MGAT3: variants seen among roughly 807,000 people sequenced by gnomAD.
MGAT3 encodes GlcNAc-T III.
A neutral mutation model predicts 29.8 loss-of-function variants in MGAT3; 9 were observed. That is an observed-to-expected ratio of 0.30 (90% CI 0.18 to 0.53). MGAT3 has a LOEUF of 0.53. Among genes scored for constraint, MGAT3 ranks in the 20% least tolerant of loss-of-function variants. The probability of loss-of-function intolerance (pLI) is 0.96; values close to 1 mark genes in which losing one functional copy is unlikely to be tolerated. For synonymous variants in MGAT3, 397 were observed against 348.9 expected (o/e 1.14, Z -1.54); for missense variants, 557 against 769.5 (o/e 0.72, Z 3.27).
chr22:39,461,609 G>A (rs1364052827), intron 1 of MGAT3, among the ~76,000 whole-genome samples: 4 of 151,996 alleles, frequency 2.6e-5, no homozygotes, highest in African/African-American at 9.7e-5. Flanking sequence ...CTGTTCCCTC[G>A]ACTTGAATTC....
Position 39,487,353 on chromosome 22 carries a change from G to C in MGAT3, c.6G>C (p.Lys2Asn), listed in dbSNP as rs1305115609. ...GTCTCTCTCTCTCCCGCAGGATGAAGATGAGACGCTACAAGCTCTTTCTCA... is the reference window on the plus strand; with the variant it reads ...GTCTCTCTCTCTCCCGCAGGATGAACATGAGACGCTACAAGCTCTTTCTCA... The part of the protein sequence containing the change: M[K>N]MRRYKLFLMF... Residue 2 changes from lysine to asparagine, a missense_variant, in exon 2 of 2, where the codon AAG (lysine) becomes AAC (asparagine). By Grantham distance (94) the Lys-to-Asn change is moderately conservative. Around this residue, in one of 3 missense-constraint regions of MGAT3, gnomAD observed 212 missense variants for 228.5 expected, o/e 0.93. Transcript: ENST00000341184. The surrounding 1 kb of genome is among the most constrained non-coding windows in gnomAD (Gnocchi z 5.7). 2.5e-6 allele frequency: 4 copies of C among 1,611,780 alleles called. No individual in the cohort carries two copies. Among genetic ancestry groups the C allele is most frequent in the Non-Finnish European group, 3.4e-6 (4 of 1,179,386 alleles).
At chr22:39,465,570 G>C (rs1041939714) in intron 1 of MGAT3, among the ~76,000 whole-genome samples, 2 of 152,230 alleles carry the variant, frequency 1.3e-5, no homozygotes, top group East Asian at 3.9e-4. Context: ...AGACACGATC[G>C]AACCACTTCC....
rs73418468 is a variant in MGAT3 at position 39,461,635 on chromosome 22, T to C, written c.-2+4078T>C. On this transcript the variant is annotated intron_variant, in intron 1 of 1. Coordinates refer to ENST00000341184, the MANE Select transcript of MGAT3 (RefSeq NM_002409.5). Reference sequence around the variant, plus strand: ...ACTTGAATTCCTCTTCCATTCACTGTCCCCTGTAACTCTGTTGTCCATCAA... The same window carrying C: ...ACTTGAATTCCTCTTCCATTCACTGCCCCCTGTAACTCTGTTGTCCATCAA... Among the ~76,000 whole-genome samples, 438 of 152,224 alleles carry C rather than the reference T, an allele frequency of 2.9e-3. 4 individuals carry two copies. The highest frequency in any genetic ancestry group is 9.3e-3 in the African/African-American group (387 of 41,516).
At chr22:39,466,318 C>A (rs1201917180) in intron 1 of MGAT3, among the ~76,000 whole-genome samples, 2 of 152,168 alleles carry the variant, frequency 1.3e-5, no homozygotes, top group African/African-American at 4.8e-5. Flanking sequence ...GCACCAGGCA[C>A]TTCTACCAGA....
intron 1 of MGAT3, among the ~76,000 whole-genome samples, chr22:39,480,596 G>T (rs1174152926): frequency 6.6e-6 from 1 of 152,216 alleles, no homozygotes; most frequent in East Asian, 1.9e-4. Flanking sequence ...CTGCAGAGAG[G>T]ACCTGAGGTT....
chr22:39,484,163 A>G (rs73418493), intron 1 of MGAT3, among the ~76,000 whole-genome samples: 1,679 of 152,214 alleles, frequency 0.011, 34 homozygotes, highest in African/African-American at 0.038. Flanking sequence ...GTTGGAGGAG[A>G]TGGTCCTTAA....
Position 39,488,412 on chromosome 22 carries a change from G to T in MGAT3, c.1065G>T (p.Gln355His). ...RKSLYGFFWKQPGTLEVVSGC... is the reference protein window; with the variant it reads ...RKSLYGFFWKHPGTLEVVSGC... The stretch of plus-strand genomic sequence containing the variant: ...CGCTCTACGGCTTCTTCTGGAAGCA[G>T]CCGGGCACCCTGGAGGTGGTGTCAG... Residue 355 changes from glutamine to histidine, a missense_variant, in exon 2 of 2, where the codon CAG (glutamine) becomes CAT (histidine). This residue lies in a region of MGAT3 where 243 missense variants were observed against 444.0 expected (regional missense o/e 0.55). Transcript: ENST00000341184. The T allele has an allele frequency of 6.2e-7, 1 of 1,612,830 alleles. No individual in the cohort carries two copies. Among genetic ancestry groups the T allele is most frequent in the Non-Finnish European group, 8.5e-7 (1 of 1,180,026 alleles).
At position 39,487,360 on chromosome 22, in the gene MGAT3, C is replaced by G. The variant is rs1023137384; in HGVS notation, c.13C>G (p.Arg5Gly). MKMRRYKLFLMFCMA... is the reference protein window; with the variant it reads MKMRGYKLFLMFCMA... ...TCTCTCCCGCAGGATGAAGATGAGA[C>G]GCTACAAGCTCTTTCTCATGTTCTG... The change falls in exon 2 of 2, where the codon CGC becomes GGC. Residue 5 changes from arginine (R) to glycine (G), a missense_variant. Around this residue, in one of 3 missense-constraint regions of MGAT3, gnomAD observed 212 missense variants for 228.5 expected, o/e 0.93. Transcript: ENST00000341184. This position sits in a 1 kb window ranked among gnomAD's most constrained non-coding sequence, Gnocchi z 5.7. 1.2e-6 allele frequency: 2 copies of G among 1,612,132 alleles called. No homozygotes were observed. Among genetic ancestry groups the G allele is most frequent in the Non-Finnish European group, 1.7e-6 (2 of 1,179,522 alleles).
rs1484395397 is a variant in MGAT3, at chr22:39,457,997, T to TGCG, written c.-2+449_-2+451dup. On this transcript the variant is annotated intron_variant, in intron 1 of 1. Transcript: ENST00000341184. The surrounding 1 kb of genome is among the most constrained non-coding windows in gnomAD (Gnocchi z 6.8). ...GCCTTCCCCACCCCCGACCCCAGAC[T>TGCG]GCGGCGGCGGCAGCCGAGGCCCAAG... Among the ~76,000 whole-genome samples, 2 of 151,910 alleles carry TGCG rather than the reference T, an allele frequency of 1.3e-5. No homozygotes were observed. The highest frequency in any genetic ancestry group is 1.9e-4 in the East Asian group (1 of 5,152).
intron 1 of MGAT3, among the ~76,000 whole-genome samples, chr22:39,460,503 A>G (rs1295618377): frequency 1.3e-5 from 2 of 152,056 alleles, no homozygotes; most frequent in Non-Finnish European, 2.9e-5. Context: ...TCTTGTGTCT[A>G]AAATGGCGCT....
intron 1 of MGAT3, among the ~76,000 whole-genome samples, chr22:39,472,214 TC>T (rs1249015167): frequency 3.3e-5 from 5 of 151,978 alleles, no homozygotes; most frequent in African/African-American, 1.2e-4. Flanking sequence ...CTGCCCCCAC[TC>T]CCAGAGAGAC....
chr22:39,488,870 C>CG lies in MGAT3; in HGVS notation c.1525dup (p.Ala509GlyfsTer70). ...AACCCCTACCAGGAGCCCAGGAGCACGGCGGCGGGCGGGTGGCGCCACAGG... is the reference window on the plus strand; with the variant it reads ...AACCCCTACCAGGAGCCCAGGAGCACGGGCGGCGGGCGGGTGGCGCCACAGG... On this transcript the variant is annotated frameshift_variant, in exon 2 of 2. Coordinates refer to ENST00000341184, the MANE Select transcript of MGAT3 (RefSeq NM_002409.5). 6.3e-7 allele frequency: 1 copy of CG among 1,599,848 alleles called. No individual in the cohort carries two copies. Among genetic ancestry groups the CG allele is most frequent in the Non-Finnish European group, 8.5e-7 (1 of 1,173,876 alleles).
chr22:39,462,513 T>C (rs1928526805), intron 1 of MGAT3, among the ~76,000 whole-genome samples: 1 of 152,158 alleles, frequency 6.6e-6, no homozygotes, highest in African/African-American at 2.4e-5. Flanking sequence ...GGACTGACCC[T>C]CCAGAGGGCA....
chr22:39,463,803 C>T (rs1304238456), intron 1 of MGAT3, among the ~76,000 whole-genome samples: 2 of 151,894 alleles, frequency 1.3e-5, no homozygotes, highest in African/African-American at 4.8e-5. Context: ...ATAGCCTCAT[C>T]TACTTGGAAG....
At position 39,467,304 on chromosome 22, in the gene MGAT3, G is replaced by T. The variant is rs188656970; in HGVS notation, c.-2+9747G>T. Among the ~76,000 whole-genome samples the T allele has an allele frequency of 6.2e-4, 94 of 152,288 alleles. No individual in the cohort carries two copies. In the East Asian group the frequency reaches 0.016, roughly 27 times the overall value. On this transcript the variant is annotated intron_variant, in intron 1 of 1. Transcript: ENST00000341184. Reference sequence around the variant, plus strand: ...TGGTGCAGAGGGTGAAGGGCAGGGGGTTGGGGCAGCATCCTGGAGAGATGG... The same window carrying T: ...TGGTGCAGAGGGTGAAGGGCAGGGGTTTGGGGCAGCATCCTGGAGAGATGG...
intron 1 of MGAT3, among the ~76,000 whole-genome samples, chr22:39,485,909 C>A (rs925638405): frequency 6.6e-6 from 1 of 152,114 alleles, no homozygotes; most frequent in Non-Finnish European, 1.5e-5. Flanking sequence ...AAATGAATAG[C>A]AAATGGTTAC....
chr22:39,485,566 G>A (rs368229291), intron 1 of MGAT3, among the ~76,000 whole-genome samples: 1 of 152,110 alleles, frequency 6.6e-6, no homozygotes, highest in Non-Finnish European at 1.5e-5. Context: ...CGAGGTGGGC[G>A]GATCACCTGA....
chr22:39,473,253 C>T (rs867004582), intron 1 of MGAT3, among the ~76,000 whole-genome samples: 5 of 152,174 alleles, frequency 3.3e-5, no homozygotes, highest in Admixed American at 1.3e-4. Flanking sequence ...AACTTTCTCA[C>T]GGATCTGGAG....
At chr22:39,476,587 G>A (rs977793853) in intron 1 of MGAT3, 1 of 152,176 alleles carries the variant, frequency 6.6e-6, no homozygotes, top group African/African-American at 2.4e-5. Context: ...AGAATTCCTC[G>A]ATGCTGGGTG....
Sources: allele counts gnomAD v4.1 joint callset (sites outside exome capture counted in the v4.1 genomes callset), GRCh38; gene constraint gnomAD v4.1.1; regional missense constraint gnomAD v4.1.1; non-coding constraint Gnocchi (gnomAD v3.1); transcripts MANE v1.5; gene names NCBI Gene and HGNC (gene_info 2026-07-23, HGNC 2026-07-21).